CALCOCO1: variants seen among roughly 807,000 people sequenced by gnomAD.
CALCOCO1 encodes calcium binding and coiled-coil domain 1.
CALCOCO1 carries 44 observed loss-of-function variants against 86.3 expected under a neutral mutation model. That is an observed-to-expected ratio of 0.51 (90% CI 0.40 to 0.66). CALCOCO1 has a LOEUF of 0.66. Ranked by LOEUF, CALCOCO1 falls within the 30% of genes least tolerant of loss-of-function variation. The pLI is 0.00. For synonymous variants in CALCOCO1, 297 were observed against 327.6 expected (o/e 0.91, Z 1.01); for missense variants, 708 against 851.1 (o/e 0.83, Z 2.09).
chr12:53,727,087 G>C (rs537970468), intron 1 of CALCOCO1, among the ~76,000 whole-genome samples: 1 of 152,112 alleles, frequency 6.6e-6, no homozygotes, highest in African/African-American at 2.4e-5. Flanking sequence ...GGGAGAGAGG[G>C]AAGACGTGTA....
intron 1 of CALCOCO1, among the ~76,000 whole-genome samples, chr12:53,727,194 A>AGGGGGCGCCCCCCACCC (rs1565653048): frequency 6.6e-6 from 1 of 152,130 alleles, no homozygotes; most frequent in Non-Finnish European, 1.5e-5. Flanking sequence ...GAGGACGACG[A>AGGGGGCGCCCCCCACCC]GGGGGCGCCC....
intron 7 of CALCOCO1, among the ~76,000 whole-genome samples, chr12:53,717,393 T>C (rs1315033450): frequency 2.0e-5 from 3 of 152,196 alleles, no homozygotes; most frequent in African/African-American, 7.2e-5. Flanking sequence ...TCACCCCTGC[T>C]TGAAAAATCA....
intron 6 of CALCOCO1, among the ~76,000 whole-genome samples, chr12:53,720,467 G>A (rs1012353871): frequency 2.0e-5 from 3 of 152,166 alleles, no homozygotes; most frequent in African/African-American, 7.2e-5. Context: ...GGCTAGATTT[G>A]GCTTGTGGGC....
chr12:53,716,105 G>A, intron 8 of CALCOCO1, 58 bp from the exon 9 acceptor site: 1 of 1,601,544 alleles, frequency 6.2e-7, no homozygotes, highest in Non-Finnish European at 8.5e-7. Context: ...CATCAGCCAG[G>A]GAGGTAAACG....
intron 7 of CALCOCO1, among the ~76,000 whole-genome samples, chr12:53,717,704 A>G (rs1433188242): frequency 1.3e-5 from 2 of 152,202 alleles, no homozygotes; most frequent in South Asian, 4.1e-4. Context: ...CTTCTAAATT[A>G]TTAACAATTA....
chr12:53,712,770 C>T (rs902421499), intron 14 of CALCOCO1: 1 of 1,330,190 alleles, frequency 7.5e-7, no homozygotes, highest in Non-Finnish European at 9.8e-7. Flanking sequence ...ACCCTAGGTA[C>T]CTACCTGGTG....
rs1375496467 is a variant in CALCOCO1 at position 53,713,048 on chromosome 12, T to C, written c.1898+52A>G. 5.3e-6 allele frequency: 8 copies of C among 1,520,990 alleles called. No individual in the cohort carries two copies. The East Asian group carries it at 1.8e-4, about 34-fold the overall frequency. 94.2% of individuals were successfully genotyped at this position (1,520,990 alleles called of 1,614,324 possible). On this transcript the variant is annotated intron_variant, in intron 14 of 14. Coordinates refer to ENST00000550804, the MANE Select transcript of CALCOCO1 (RefSeq NM_020898.3). ...CTGGTGACTGTCCACACAGATGCCC[T>C]TTCCCTCTGACCTCCTCCCACCTCC...
chr12:53,714,789 C>T, intron 10 of CALCOCO1, 96 bp from the exon 11 acceptor site: 1 of 803,892 alleles, frequency 1.2e-6, no homozygotes, highest in Non-Finnish European at 2.1e-6. Flanking sequence ...ACCAGGTCTC[C>T]CCATGCCTCT....
chr12:53,713,884 C>T lies in CALCOCO1; in HGVS notation c.1608G>A (p.Leu536=), dbSNP rs200742427. ...CTGGGGACTCGTCCTCTGAGTCTGT[C>T]AGAGCTGCCGGGCAGCCTGTAGGAG... ...AAVGLSCPAA[L]TDSEDESPED... is the part of the protein sequence containing the mutation. The change falls in exon 13 of 15, where the codon CTG becomes CTA. Residue 536 remains leucine (L), a synonymous_variant. Transcript: ENST00000550804. The T allele has an allele frequency of 6.6e-6, 10 of 1,524,364 alleles. No individual in the cohort carries two copies. The Admixed American group carries it at 1.9e-4, about 30-fold the overall frequency. 94.4% of individuals were successfully genotyped at this position (1,524,364 alleles called of 1,614,324 possible).
rs1303041860 is a variant in CALCOCO1 at position 53,725,071 on chromosome 12, G to T, written c.156+16C>A. The stretch of plus-strand genomic sequence containing the variant: ...CACAGCCCATAAACCTAAGCCAAAA[G>T]GGGTTCCAGAGATACCTTGAAGATG... On this transcript the variant is annotated intron_variant, in intron 2 of 14. Transcript: ENST00000550804. 6 of 1,570,564 alleles carry T rather than the reference G, an allele frequency of 3.8e-6. No homozygotes were observed. The highest frequency in any genetic ancestry group is 5.2e-6 in the Non-Finnish European group (6 of 1,160,270).
intron 6 of CALCOCO1, among the ~76,000 whole-genome samples, chr12:53,721,062 C>T (rs11170666): frequency 0.052 from 7,910 of 152,264 alleles, 399 homozygotes; most frequent in East Asian, 0.26. Context: ...GCAGAGATTC[C>T]ATAACATTCC....
Position 53,713,872 on chromosome 12 carries a change from CTCTGAG to C in CALCOCO1, c.1614_1619del (p.Asp538_Ser539del), listed in dbSNP as rs753405269. The C allele has an allele frequency of 1.4e-5, 22 of 1,525,684 alleles. No individual in the cohort carries two copies. The highest frequency in any genetic ancestry group is 1.9e-5 in the Non-Finnish European group (22 of 1,137,240). 94.5% of individuals were successfully genotyped at this position (1,525,684 alleles called of 1,614,324 possible). A position where few individuals can be genotyped will look rare whatever the true frequency, so the allele number is the denominator to read the frequency against. Reference sequence around the variant, plus strand: ...GCCTCATGTCTTCTGGGGACTCGTCCTCTGAGTCTGTCAGAGCTGCCGGGCAGCCTG... The same window carrying C: ...GCCTCATGTCTTCTGGGGACTCGTCCTCTGTCAGAGCTGCCGGGCAGCCTG... On this transcript the variant is annotated inframe_deletion, in exon 13 of 15. Coordinates refer to ENST00000550804, the MANE Select transcript of CALCOCO1 (RefSeq NM_020898.3).
chr12:53,719,889 A>G lies in CALCOCO1; in HGVS notation c.759-60T>C. 4.2e-6 allele frequency: 5 copies of G among 1,185,222 alleles called. No individual in the cohort carries two copies. In the South Asian group the frequency reaches 6.2e-5, roughly 15 times the overall value. The allele number at this position is 1,185,222 out of a possible 1,614,324, so 73.4% of individuals were successfully genotyped here. On this transcript the variant is annotated intron_variant, in intron 6 of 14. Coordinates refer to ENST00000550804, the MANE Select transcript of CALCOCO1 (RefSeq NM_020898.3). ...CTCCACCCAGAGAAGGAATGGACTCAGGCCTCTGTCTTGTGCTCTGCTGCT... is the reference window on the plus strand; with the variant it reads ...CTCCACCCAGAGAAGGAATGGACTCGGGCCTCTGTCTTGTGCTCTGCTGCT...
In CALCOCO1 at chr12:53,711,830, C is replaced by T. The variant is rs970342026; in HGVS notation, c.*114G>A. The T allele has an allele frequency of 4.9e-5, 44 of 905,578 alleles. No individual in the cohort carries two copies. Among genetic ancestry groups the T allele is most frequent in the Non-Finnish European group, 6.7e-5 (43 of 639,420 alleles). The allele number at this position is 905,578 out of a possible 1,614,324, so 56.1% of individuals were successfully genotyped here. On this transcript the variant is annotated 3_prime_UTR_variant, in exon 15 of 15. Coordinates refer to ENST00000550804, the MANE Select transcript of CALCOCO1 (RefSeq NM_020898.3). ...GCACACAGAAGCAGTTCTTAGGGAA[C>T]AGAATATCATGGAGCCCAGTGTGAT...
In CALCOCO1 at chr12:53,710,073, A is replaced by G. The variant is rs1418706028; in HGVS notation, c.*1871T>C. The stretch of plus-strand genomic sequence containing the variant: ...GGGTGATGGATGCCTCTGTCAGCCC[A>G]GCTCGTATTTATTAATAGTCTTAAT... On this transcript the variant is annotated 3_prime_UTR_variant, in exon 15 of 15. Transcript: ENST00000550804. The G allele has an allele frequency of 6.6e-6, 1 of 152,216 alleles. No homozygotes were observed. Among genetic ancestry groups the G allele is most frequent in the Non-Finnish European group, 1.5e-5 (1 of 68,044 alleles). The allele number at this position is 152,216 out of a possible 1,614,324, so 9.4% of individuals were successfully genotyped here.
At chr12:53,718,704 A>G (rs1334407580) in intron 7 of CALCOCO1, among the ~76,000 whole-genome samples, 1 of 151,830 alleles carries the variant, frequency 6.6e-6, no homozygotes, top group African/African-American at 2.4e-5. Flanking sequence ...AATTTTTAAA[A>G]TTTTTTGTAG....
Position 53,710,858 on chromosome 12 carries a change from G to A in CALCOCO1, c.*1086C>T, listed in dbSNP as rs942494016. ...CACCCACCCTGGGACTAAACCCTGA[G>A]CAGAAGTGACAGGGACCCATGAGTT... On this transcript the variant is annotated 3_prime_UTR_variant, in exon 15 of 15. Coordinates refer to ENST00000550804, the MANE Select transcript of CALCOCO1 (RefSeq NM_020898.3). The A allele has an allele frequency of 5.7e-6, 1 of 174,710 alleles. No individual in the cohort carries two copies. The highest frequency in any genetic ancestry group is 2.4e-5 in the African/African-American group (1 of 42,174). 10.8% of individuals were successfully genotyped at this position (174,710 alleles called of 1,614,324 possible). A position where few individuals can be genotyped will look rare whatever the true frequency, so the allele number is the denominator to read the frequency against.
intron 9 of CALCOCO1, 143 bp downstream of exon 9, chr12:53,715,650 T>A (rs1945704935): frequency 9.0e-7 from 1 of 1,112,400 alleles, no homozygotes; most frequent in East Asian, 2.5e-5. Context: ...AAAGTGTACC[T>A]CCCTCAAAGC....
intron 4 of CALCOCO1, 121 bp from the exon 5 acceptor site, chr12:53,722,304 A>G (rs530222694): frequency 6.4e-5 from 69 of 1,080,640 alleles, no homozygotes; most frequent in Non-Finnish European, 8.7e-5. Flanking sequence ...GGTTATAAAG[A>G]GGTGAGGAAG....
Sources: gnomAD v4.1 joint callset for allele counts (sites outside exome capture counted in the v4.1 genomes callset) on GRCh38, gnomAD v4.1.1 for gene constraint, MANE v1.5 for transcripts, NCBI Gene and HGNC (gene_info 2026-07-23, HGNC 2026-07-21) for gene names.